The following ZNF410 variants were observed in gnomAD, a reference collection of about 807,000 sequenced individuals.
The protein encoded by ZNF410 is another partner for ARF 1.
In ZNF410, 18 loss-of-function variants were observed where a neutral mutation model predicts 54.8. That is an observed-to-expected ratio of 0.33 (90% CI 0.23 to 0.49). The LOEUF (loss-of-function observed/expected upper bound fraction) is 0.49, where lower values mean the gene tolerates loss of function less well. ZNF410 is among the 20% of genes least tolerant of loss of function. The pLI is 0.99. For synonymous variants in ZNF410, 191 were observed against 207.3 expected, an observed-to-expected ratio of 0.92 and a Z score of 0.68; for missense variants, 405 against 569.6, an observed-to-expected ratio of 0.71 and a Z score of 2.94.
intron 11 of ZNF410, among the ~76,000 whole-genome samples, chr14:73,923,887 A>G (rs1488770600): frequency 6.6e-6 from 1 of 152,226 alleles, no homozygotes; most frequent in African/African-American, 2.4e-5. Flanking sequence ...TTCAGAGAAG[A>G]GGGCCTGGCC....
At chr14:73,931,362 G>C (rs8004396) in intron 11 of ZNF410, 141 bp from the exon 12 acceptor site, 35,065 of 663,094 alleles carry the variant, frequency 0.053, 1,397 homozygotes, top group African/African-American at 0.14. Flanking sequence ...GTCCGTGCAT[G>C]TGTTTGCTTT....
intron 1 of ZNF410, 173 bp from the exon 2 acceptor site, chr14:73,891,854 A>T (rs561728098): frequency 1.7e-5 from 10 of 588,560 alleles, no homozygotes; most frequent in Non-Finnish European, 1.5e-5. Flanking sequence ...TAGTATTTTT[A>T]TGGGTTTTGA....
chr14:73,907,328 T>A (rs929552052), intron 7 of ZNF410, among the ~76,000 whole-genome samples: 10 of 152,216 alleles, frequency 6.6e-5, no homozygotes, highest in African/African-American at 2.2e-4. Context: ...TCGGGCCCAG[T>A]GGCTCACACC....
Position 73,932,152 on chromosome 14 carries a change from C to T in ZNF410, c.*611C>T, listed in dbSNP as rs1269188286. The T allele has an allele frequency of 2.7e-6, 1 of 371,560 alleles. No homozygotes were observed. The highest frequency in any genetic ancestry group is 7.6e-5 in the East Asian group (1 of 13,154). 23.0% of individuals were successfully genotyped at this position (371,560 alleles called of 1,614,324 possible). ...TATACACTTCTACTTGGTCACTTTG[C>T]TTTCTTCGTTAATGGAACATACAGT... On this transcript the variant is annotated 3_prime_UTR_variant, in exon 12 of 12. Coordinates refer to ENST00000555044, the MANE Select transcript of ZNF410 (RefSeq NM_021188.3).
chr14:73,891,858 G>A, intron 1 of ZNF410, 169 bp from the exon 2 acceptor site: 1 of 590,912 alleles, frequency 1.7e-6, no homozygotes, highest in Non-Finnish European at 3.0e-6. Context: ...ATTTTTATGG[G>A]TTTTGATGCC....
At position 73,902,936 on chromosome 14, in the gene ZNF410, ATCAT is replaced by A. The variant is rs150727995; in HGVS notation, c.581-1023_581-1020del. Among the ~76,000 whole-genome samples the A allele has an allele frequency of 2.4e-3, 368 of 152,366 alleles. 7 individuals are homozygous for A. The East Asian group carries it at 0.06, about 25-fold the overall frequency. On this transcript the variant is annotated intron_variant, in intron 5 of 11. Coordinates refer to ENST00000555044, the MANE Select transcript of ZNF410 (RefSeq NM_021188.3). The stretch of plus-strand genomic sequence containing the variant: ...TTAAAATGTGGTTAGAAATTTAAAA[ATCAT>A]CTGAGTTTTTGAATTCCTTAAGTAT...
intron 8 of ZNF410, chr14:73,914,774 G>A (rs116568714): frequency 0.089 from 13,510 of 151,088 alleles, 1,003 homozygotes; most frequent in East Asian, 0.44. Context: ...GATTACACGC[G>A]TGAGCCACCA....
At chr14:73,908,832 TTTTG>T (rs148099105) in intron 7 of ZNF410, among the ~76,000 whole-genome samples, 1 of 151,166 alleles carries the variant, frequency 6.6e-6, no homozygotes, top group Non-Finnish European at 1.5e-5. Context: ...ACTGCATCTT[TTTTG>T]TTTGTTTGTT....
chr14:73,931,321 T>C (rs2055910925), intron 11 of ZNF410, among the ~76,000 whole-genome samples, 182 bp from the exon 12 acceptor site: 1 of 152,200 alleles, frequency 6.6e-6, no homozygotes, highest in African/African-American at 2.4e-5. Context: ...ATGGCTAAAG[T>C]GCTGTCCCAA....
chr14:73,916,204 CG>C (rs2055665200), intron 8 of ZNF410: 1 of 152,098 alleles, frequency 6.6e-6, no homozygotes. Flanking sequence ...TGTTCATGAG[CG>C]ATATTGGTCT....
chr14:73,909,602 A>C, intron 8 of ZNF410, 172 bp downstream of exon 8: 27 of 442,022 alleles, frequency 6.1e-5, no homozygotes, highest in Non-Finnish European at 6.1e-5. Context: ...TCTTATAATC[A>C]AGGTTGGGGG....
At chr14:73,890,480 G>T (rs1408341765) in intron 1 of ZNF410, among the ~76,000 whole-genome samples, 1 of 152,068 alleles carries the variant, frequency 6.6e-6, no homozygotes, top group Non-Finnish European at 1.5e-5. Flanking sequence ...GAGCCACCGT[G>T]CCCAGCCTAA....
chr14:73,898,803 C>G (rs900577149), intron 5 of ZNF410, among the ~76,000 whole-genome samples: 2 of 152,226 alleles, frequency 1.3e-5, no homozygotes, highest in East Asian at 3.8e-4. Context: ...GCCTATACTA[C>G]TTACTCTGTG....
At chr14:73,924,853 A>G (rs980388180) in intron 11 of ZNF410, 2 of 330,644 alleles carry the variant, frequency 6.0e-6, no homozygotes, top group East Asian at 9.7e-5. Flanking sequence ...ATTTTTTTGT[A>G]TTTTTAGTAG....
intron 8 of ZNF410, among the ~76,000 whole-genome samples, chr14:73,912,882 T>C (rs2055606468): frequency 6.6e-6 from 1 of 151,542 alleles, no homozygotes. Flanking sequence ...TTTTTTTTTT[T>C]CTTCCAGCTT....
At position 73,909,525 on chromosome 14, in the gene ZNF410, A is replaced by G. The variant is rs1176105898; in HGVS notation, c.1003+95A>G. On this transcript the variant is annotated intron_variant, in intron 8 of 11. Transcript: ENST00000555044. ...ATATAAAGACAACTAAAAAGAAACA[A>G]ACTGTTCACTATAAAGATAGAAAGC... 11 of 954,196 alleles carry G rather than the reference A, an allele frequency of 1.2e-5. No individual in the cohort carries two copies. In the South Asian group the frequency reaches 1.5e-4, roughly 13 times the overall value. The allele number at this position is 954,196 out of a possible 1,614,324, so 59.1% of individuals were successfully genotyped here. A position where few individuals can be genotyped will look rare whatever the true frequency, so the allele number is the denominator to read the frequency against.
At position 73,893,861 on chromosome 14, in the gene ZNF410, C is replaced by T; in HGVS notation, c.98C>T (p.Ala33Val). 1 of 1,614,088 alleles carries T rather than the reference C, an allele frequency of 6.2e-7. No homozygotes were observed. The highest frequency in any genetic ancestry group is 2.2e-5 in the East Asian group (1 of 44,872). Residue 33 changes from alanine to valine, a missense_variant, in exon 3 of 12, where the codon GCT (alanine) becomes GTT (valine). Physicochemically the swap from Ala to Val is moderately conservative, Grantham distance 64 (BLOSUM62 0). Coordinates refer to ENST00000555044, the MANE Select transcript of ZNF410 (RefSeq NM_021188.3). The stretch of plus-strand genomic sequence containing the variant: ...GGACAGGGGCTTGTAGAATCAGAAG[C>T]TAAAGATATTACTTGCTTGTCCCTC... ...PLGQGLVESE[A>V]KDITCLSLLP...
At chr14:73,905,968 C>CAT (rs375039083) in intron 7 of ZNF410, among the ~76,000 whole-genome samples, 83 of 78,918 alleles carry the variant, frequency 1.1e-3, no homozygotes, top group Non-Finnish European at 1.6e-3. Flanking sequence ...CACACACACA[C>CAT]ATATATATAT....
chr14:73,915,841 TG>T (rs2055658581), intron 8 of ZNF410: 1 of 152,230 alleles, frequency 6.6e-6, no homozygotes, highest in South Asian at 2.1e-4. Context: ...AGTTGGTTTT[TG>T]GATGTAAAAC....
Sources: allele counts gnomAD v4.1 joint callset (sites outside exome capture counted in the v4.1 genomes callset), GRCh38; gene constraint gnomAD v4.1.1; transcripts MANE v1.5; gene names NCBI Gene and HGNC (gene_info 2026-07-23, HGNC 2026-07-21).